The following RBPMS variants were observed in gnomAD, a reference collection of about 807,000 sequenced individuals.
RBPMS encodes the protein RNA binding protein, mRNA processing factor.
RBPMS carries 7 observed loss-of-function variants against 26.8 expected under a neutral mutation model. The observed-to-expected ratio is 0.26, with a 90% CI of 0.15 to 0.49. The LOEUF (loss-of-function observed/expected upper bound fraction) is 0.49, where lower values mean the gene tolerates loss of function less well. Among genes scored for constraint, RBPMS ranks in the 20% least tolerant of loss-of-function variants. RBPMS has a pLI of 0.98. For missense variants in RBPMS, 186 were observed against 250.0 expected (o/e 0.74, Z 1.73); for synonymous variants, 96 against 93.3 (o/e 1.03, Z -0.17).
chr8:30,431,974 AAAT>A (rs1434702697), intron 1 of RBPMS, among the ~76,000 whole-genome samples: 2 of 151,776 alleles, frequency 1.3e-5, no homozygotes, highest in Non-Finnish European at 1.5e-5. Flanking sequence ...ATTAAAAAAA[AAAT>A]GTTAGCCAGA....
In RBPMS at chr8:30,571,807, C is replaced by T. The variant is rs1001130597; in HGVS notation, c.*1282C>T. On this transcript the variant is annotated 3_prime_UTR_variant, in exon 9 of 9. Coordinates refer to ENST00000397323, the MANE Select transcript of RBPMS (RefSeq NM_001008710.3). ...TCCAGAGTTCATGACAGCTCAACCT[C>T]TCCCCTTGTACAGAAGCCATTTTTG... The T allele has an allele frequency of 1.3e-5, 2 of 152,268 alleles. No individual in the cohort carries two copies. Among genetic ancestry groups the T allele is most frequent in the Non-Finnish European group, 1.5e-5 (1 of 68,058 alleles). 9.4% of individuals were successfully genotyped at this position (152,268 alleles called of 1,614,324 possible).
intron 1 of RBPMS, among the ~76,000 whole-genome samples, chr8:30,391,511 G>T (rs1807790019): frequency 6.6e-6 from 1 of 152,178 alleles, no homozygotes; most frequent in African/African-American, 2.4e-5. Flanking sequence ...TTAAAAGCTG[G>T]TGCAGAAGTG....
chr8:30,547,668 A>C, intron 6 of RBPMS: 1 of 442,696 alleles, frequency 2.3e-6, no homozygotes, highest in South Asian at 4.0e-5. Flanking sequence ...TGGAGAGGCC[A>C]GGTCCTGGAG....
chr8:30,476,499 A>G (rs1428549769), intron 2 of RBPMS, among the ~76,000 whole-genome samples: 1 of 152,220 alleles, frequency 6.6e-6, no homozygotes, highest in Non-Finnish European at 1.5e-5. Context: ...CTCTCTGGCC[A>G]TAAGAGCTCA....
In RBPMS at chr8:30,549,022, G is replaced by A. The variant is rs138685186; in HGVS notation, c.528+4398G>A. ...AGCTCCTTAGGAGTCGCCCAGCAGC[G>A]AGACAGCTGTGGATCCCCTCCAGGC... On this transcript the variant is annotated intron_variant, in intron 6 of 8. Transcript: ENST00000397323. 5.1e-3 allele frequency among the ~76,000 whole-genome samples: 778 copies of A among 152,318 alleles called. 2 individuals are homozygous for A. The highest frequency in any genetic ancestry group is 0.01 in the African/African-American group (435 of 41,572).
intron 1 of RBPMS, among the ~76,000 whole-genome samples, chr8:30,447,608 CTT>C (rs949446092): frequency 6.6e-6 from 1 of 152,092 alleles, no homozygotes; most frequent in African/African-American, 2.4e-5. Context: ...TTAGGAAAGA[CTT>C]TGTAAGGAGA....
intron 1 of RBPMS, among the ~76,000 whole-genome samples, chr8:30,465,639 T>C (rs1266118323): frequency 6.6e-6 from 1 of 152,084 alleles, no homozygotes; most frequent in Non-Finnish European, 1.5e-5. Context: ...ATACAAAAAT[T>C]AGCCAGGTGT....
chr8:30,440,296 C>T (rs1812931017), intron 1 of RBPMS, among the ~76,000 whole-genome samples: 1 of 152,054 alleles, frequency 6.6e-6, no homozygotes, highest in Admixed American at 6.5e-5. Context: ...ACAACTTTTA[C>T]ATCTTGCAAA....
chr8:30,435,232 C>T (rs117453390), intron 1 of RBPMS, among the ~76,000 whole-genome samples: 3,540 of 152,258 alleles, frequency 0.023, 65 homozygotes, highest in Non-Finnish European at 0.029. Context: ...TACCTTTGGG[C>T]TACACATATG....
chr8:30,477,652 C>T (rs564672080), intron 2 of RBPMS, 147 bp from the exon 3 acceptor site: 2 of 590,182 alleles, frequency 3.4e-6, no homozygotes, highest in Non-Finnish European at 6.0e-6. Flanking sequence ...TGCACATGCA[C>T]ATGCATGTGT....
chr8:30,517,224 GT>G (rs1822428803), intron 5 of RBPMS, among the ~76,000 whole-genome samples: 3 of 149,582 alleles, frequency 2.0e-5, no homozygotes, highest in Non-Finnish European at 4.4e-5. Flanking sequence ...GTGTGTGTGT[GT>G]GTGTGTGTGT....
intron 1 of RBPMS, among the ~76,000 whole-genome samples, chr8:30,427,089 C>A (rs1430979600): frequency 6.6e-6 from 1 of 152,180 alleles, no homozygotes; most frequent in Non-Finnish European, 1.5e-5. Flanking sequence ...CCACGCCAGG[C>A]CGACCTCCCC....
At chr8:30,413,444 C>G (rs1809685450) in intron 1 of RBPMS, among the ~76,000 whole-genome samples, 1 of 151,960 alleles carries the variant, frequency 6.6e-6, no homozygotes, top group African/African-American at 2.4e-5. Flanking sequence ...CCCTTGAGGT[C>G]AAGTAAAATA....
At chr8:30,502,078 A>T (rs1183724222) in intron 4 of RBPMS, among the ~76,000 whole-genome samples, 1 of 150,628 alleles carries the variant, frequency 6.6e-6, no homozygotes, top group African/African-American at 2.4e-5. Context: ...TGTGGCTTGT[A>T]TTCTAAGCCT....
At chr8:30,549,657 C>A in intron 6 of RBPMS, 1 of 1,141,724 alleles carries the variant, frequency 8.8e-7, no homozygotes, top group East Asian at 2.4e-5. Context: ...AGGCCTCATG[C>A]TCACAGCGCC....
intron 1 of RBPMS, 48 bp downstream of exon 1, chr8:30,385,206 C>T (rs1359647345): frequency 2.2e-6 from 3 of 1,350,096 alleles, no homozygotes; most frequent in South Asian, 1.7e-5. Context: ...GGACCCAGTG[C>T]GGGCGGCCGG....
chr8:30,422,548 C>T (rs574892322), intron 1 of RBPMS, among the ~76,000 whole-genome samples: 7 of 152,252 alleles, frequency 4.6e-5, no homozygotes, highest in African/African-American at 1.7e-4. Context: ...AGATTATAGG[C>T]GTTGAGCCAC....
At chr8:30,458,694 T>A (rs1219461823) in intron 1 of RBPMS, among the ~76,000 whole-genome samples, 1 of 152,214 alleles carries the variant, frequency 6.6e-6, no homozygotes. Flanking sequence ...AATTCTGTGC[T>A]AAATTCTTTA....
chr8:30,531,642 G>T (rs1194333300), intron 5 of RBPMS, among the ~76,000 whole-genome samples: 1 of 152,172 alleles, frequency 6.6e-6, no homozygotes, highest in Admixed American at 6.5e-5. Context: ...GAGGGCAGGA[G>T]GGGGGAGTTA....
Sources: allele counts gnomAD v4.1 joint callset (sites outside exome capture counted in the v4.1 genomes callset), GRCh38; gene constraint gnomAD v4.1.1; transcripts MANE v1.5; gene names NCBI Gene and HGNC (gene_info 2026-07-23, HGNC 2026-07-21).